CADM3: variants seen among roughly 807,000 people sequenced by gnomAD.
CADM3 encodes cell adhesion molecule 3, also known as TSLC1-like 1.
A neutral mutation model predicts 44.9 loss-of-function variants in CADM3; 11 were observed. The observed-to-expected ratio is 0.25, with a 90% CI of 0.15 to 0.41. CADM3 has a LOEUF of 0.41. Among genes scored for constraint, CADM3 ranks in the 10% least tolerant of loss-of-function variants. The probability of loss-of-function intolerance (pLI) is 1.00; values close to 1 mark genes in which losing one functional copy is unlikely to be tolerated. For synonymous variants in CADM3, 207 were observed against 205.2 expected, an observed-to-expected ratio of 1.01 and a Z score of -0.08; for missense variants, 426 against 512.0, an observed-to-expected ratio of 0.83 and a Z score of 1.62.
At position 159,201,170 on chromosome 1, in the gene CADM3, A is replaced by G; in HGVS notation, c.*248A>G. 1 of 245,630 alleles carries G rather than the reference A, an allele frequency of 4.1e-6. No homozygotes were observed. Among genetic ancestry groups the G allele is most frequent in the Non-Finnish European group, 7.8e-6 (1 of 127,744 alleles). 15.2% of individuals were successfully genotyped at this position (245,630 alleles called of 1,614,324 possible). On this transcript the variant is annotated 3_prime_UTR_variant, in exon 9 of 9. Transcript: ENST00000368125. ...TCCGTGGCTTCTCTGCATTTGGGTT[A>G]TTATTATTTTTGTAACAATCCCAAA...
chr1:159,200,863 A>G lies in CADM3; in HGVS notation c.1138A>G (p.Ile380Val), dbSNP rs750539202. 1 of 1,611,828 alleles carries G rather than the reference A, an allele frequency of 6.2e-7. No individual in the cohort carries two copies. Among genetic ancestry groups the G allele is most frequent in the Non-Finnish European group, 8.5e-7 (1 of 1,178,864 alleles). The change falls in exon 9 of 9, where the codon ATC (isoleucine) becomes GTC (valine). Residue 380 changes from isoleucine (I) to valine (V), a missense_variant. By Grantham distance (29) the Ile-to-Val change is conservative (BLOSUM62 3). Coordinates refer to ENST00000368125, the MANE Select transcript of CADM3 (RefSeq NM_001127173.3). ...SDDAPDADTAIINAEGGQSGG... is the reference protein window; with the variant it reads ...SDDAPDADTAVINAEGGQSGG... ...CGATGCTCCAGACGCGGACACGGCC[A>G]TCATCAATGCAGAAGGCGGGCAGTC...
intron 1 of CADM3, among the ~76,000 whole-genome samples, chr1:159,178,998 C>T (rs1315684410): frequency 6.6e-6 from 1 of 152,164 alleles, no homozygotes; most frequent in Non-Finnish European, 1.5e-5. Flanking sequence ...CAAGGAGAAA[C>T]TTCATTCCTC....
chr1:159,193,636 C>A (rs775910558), intron 4 of CADM3, 76 bp downstream of exon 4: 1 of 1,581,012 alleles, frequency 6.3e-7, no homozygotes, highest in Non-Finnish European at 8.7e-7. Flanking sequence ...TGTGAACGTA[C>A]ACAGGAGGCA....
At chr1:159,200,143 C>T (rs562246984) in intron 8 of CADM3, among the ~76,000 whole-genome samples, 1 of 152,328 alleles carries the variant, frequency 6.6e-6, no homozygotes, top group Non-Finnish European at 1.5e-5. Context: ...TGCTCCCATG[C>T]TGCTCTACCT....
chr1:159,189,929 A>C, intron 1 of CADM3: 1 of 1,189,166 alleles, frequency 8.4e-7, no homozygotes. Context: ...TCATCCTCAC[A>C]TCCTCTCCCA....
At chr1:159,193,673 C>T (rs1557936941) in intron 4 of CADM3, 113 bp downstream of exon 4, 3 of 1,507,846 alleles carry the variant, frequency 2.0e-6, no homozygotes, top group Non-Finnish European at 2.7e-6. Flanking sequence ...AGGGGAATGA[C>T]ATATATTTTG....
intron 1 of CADM3, among the ~76,000 whole-genome samples, chr1:159,177,592 T>C (rs1189901596): frequency 6.6e-6 from 1 of 152,114 alleles, no homozygotes; most frequent in Non-Finnish European, 1.5e-5. Flanking sequence ...TCTCCCTCCC[T>C]GCCACCACAA....
chr1:159,200,701 A>C, intron 8 of CADM3, 103 bp from the exon 9 acceptor site: 1 of 781,242 alleles, frequency 1.3e-6, no homozygotes, highest in South Asian at 2.2e-5. Context: ...GCAAGAGAAA[A>C]ATTACTTGAG....
chr1:159,200,936 C>T lies in CADM3; in HGVS notation c.*14C>T. The T allele has an allele frequency of 6.4e-7, 1 of 1,572,140 alleles. No homozygotes were observed. On this transcript the variant is annotated 3_prime_UTR_variant, in exon 9 of 9. Coordinates refer to ENST00000368125, the MANE Select transcript of CADM3 (RefSeq NM_001127173.3). ...TATTTCATCTAGAGGCGCCTGCCCA[C>T]TTCCTGCGCCCCCCAGGGGCCCTGT...
Position 159,193,961 on chromosome 1 carries a change from G to A in CADM3, c.612G>A (p.Gly204=), listed in dbSNP as rs1367491156. ...TCCAGGTTACCCGGGAGGATGATGG[G>A]GCGAGCATCGTGTGCTCTGTGAACC... is the stretch of plus-strand genomic sequence containing the variant. ...VTFQVTREDD[G]ASIVCSVNHE... is the part of the protein sequence containing the mutation. The change falls in exon 5 of 9, where the codon GGG becomes GGA. Residue 204 remains glycine (G), a synonymous_variant. Transcript: ENST00000368125. 1 of 1,614,182 alleles carries A rather than the reference G, an allele frequency of 6.2e-7. No homozygotes were observed. The highest frequency in any genetic ancestry group is 1.1e-5 in the South Asian group (1 of 91,086).
intron 7 of CADM3, chr1:159,197,270 G>A: frequency 3.9e-6 from 2 of 514,426 alleles, no homozygotes. Flanking sequence ...TTAGAAGGGT[G>A]GGCTCTCATC....
intron 1 of CADM3, chr1:159,189,945 G>A: frequency 9.7e-7 from 1 of 1,033,152 alleles, no homozygotes; most frequent in Non-Finnish European, 1.5e-6. Context: ...TCCCACTCAT[G>A]TTGCCTTCAC....
chr1:159,197,092 T>A, intron 7 of CADM3, 32 bp downstream of exon 7: 1 of 1,599,200 alleles, frequency 6.3e-7, no homozygotes, highest in Non-Finnish European at 8.6e-7. Flanking sequence ...TCCTCCAGAA[T>A]CTCCTTTCTC....
intron 5 of CADM3, 42 bp downstream of exon 5, chr1:159,194,082 A>G (rs746677535): frequency 2.0e-5 from 32 of 1,584,236 alleles, no homozygotes; most frequent in Non-Finnish European, 2.8e-5. Flanking sequence ...GAGGTATGAG[A>G]TGAGGACCAG....
At position 159,178,749 on chromosome 1, in the gene CADM3, C is replaced by T. The variant is rs36039202; in HGVS notation, c.88+6896C>T. 5.8e-3 allele frequency among the ~76,000 whole-genome samples: 889 copies of T among 152,242 alleles called. 3 individuals carry two copies. The highest frequency in any genetic ancestry group is 0.01 in the Admixed American group (153 of 15,278). On this transcript the variant is annotated intron_variant, in intron 1 of 8. Coordinates refer to ENST00000368125, the MANE Select transcript of CADM3 (RefSeq NM_001127173.3). ...CTTCCAATAAGCTGATGATATCAAA[C>T]GGCGTAGGGAGCTGAGAGTGCTCAG...
intron 4 of CADM3, 103 bp from the exon 5 acceptor site, chr1:159,193,767 C>A: frequency 6.7e-7 from 1 of 1,494,306 alleles, no homozygotes; most frequent in South Asian, 1.2e-5. Context: ...TGAGACTCAC[C>A]ATCTGTACGT....
chr1:159,200,818 C>T lies in CADM3; in HGVS notation c.1093C>T (p.His365Tyr). 8 of 1,606,156 alleles carry T rather than the reference C, an allele frequency of 5.0e-6. No homozygotes were observed. The highest frequency in any genetic ancestry group is 6.8e-6 in the Non-Finnish European group (8 of 1,176,092). The change falls in exon 9 of 9, where the codon CAT (histidine) becomes TAT (tyrosine). Residue 365 changes from histidine to tyrosine, a missense_variant. His to Tyr is a moderately conservative substitution (Grantham distance 83, BLOSUM62 2). Coordinates refer to ENST00000368125, the MANE Select transcript of CADM3 (RefSeq NM_001127173.3). The part of the protein sequence containing the change: ...LIRHKGTYLT[H>Y]EAKGSDDAPD... Reference sequence around the variant, plus strand: ...TCTCTACACAGGAACCTACCTGACACATGAGGCAAAAGGCTCCGACGATGC... The same window carrying T: ...TCTCTACACAGGAACCTACCTGACATATGAGGCAAAAGGCTCCGACGATGC...
intron 1 of CADM3, chr1:159,189,753 T>C: frequency 6.3e-7 from 1 of 1,575,300 alleles, no homozygotes; most frequent in South Asian, 1.1e-5. Flanking sequence ...TCATGCTTGA[T>C]GGAGATTCTC....
intron 1 of CADM3, among the ~76,000 whole-genome samples, chr1:159,173,581 A>G (rs1252035380): frequency 1.3e-5 from 2 of 152,124 alleles, no homozygotes; most frequent in African/African-American, 4.8e-5. Flanking sequence ...AGCTGAAGGG[A>G]GTCCTTGGGG....
Sources: gnomAD v4.1 joint callset for allele counts (sites outside exome capture counted in the v4.1 genomes callset) on GRCh38, gnomAD v4.1.1 for gene constraint, MANE v1.5 for transcripts, NCBI Gene and HGNC (gene_info 2026-07-23, HGNC 2026-07-21) for gene names.